COL26A1: variants seen among roughly 807,000 people sequenced by gnomAD.
COL26A1 encodes the protein collagen type XXVI alpha 1 chain.
A neutral mutation model predicts 59.3 loss-of-function variants in COL26A1; 41 were observed. That is an observed-to-expected ratio of 0.69 (90% CI 0.54 to 0.90). The LOEUF is 0.90. COL26A1 is among the 40% of genes least tolerant of loss of function. The pLI, the probability that COL26A1 is intolerant of heterozygous loss-of-function variation, is 0.00. For missense variants in COL26A1, 612 were observed against 602.3 expected (o/e 1.02, Z -0.17); for synonymous variants, 266 against 256.0 (o/e 1.04, Z -0.37).
At chr7:101,475,949 C>CT (rs1489890708) in intron 3 of COL26A1, among the ~76,000 whole-genome samples, 2 of 140,638 alleles carry the variant, frequency 1.4e-5, no homozygotes, top group Non-Finnish European at 3.1e-5. Context: ...TTTCTTCTTT[C>CT]TTTTTTTCTC....
intron 1 of COL26A1, among the ~76,000 whole-genome samples, chr7:101,387,380 A>G (rs1209770739): frequency 6.6e-6 from 1 of 151,658 alleles, no homozygotes; most frequent in Non-Finnish European, 1.5e-5. Context: ...CACTGAAAAA[A>G]AAAAAAGTTT....
At chr7:101,432,085 C>T (rs1040386469) in intron 2 of COL26A1, among the ~76,000 whole-genome samples, 7 of 151,956 alleles carry the variant, frequency 4.6e-5, no homozygotes, top group East Asian at 1.9e-4. Flanking sequence ...CTCAGCTTCC[C>T]GAGTAGCGGG....
rs781201734 is a variant in COL26A1 at position 101,475,902 on chromosome 7, CTT to C, written c.385+28117_385+28118del. 3.4e-3 allele frequency among the ~76,000 whole-genome samples: 462 copies of C among 135,472 alleles called. 4 individuals carry two copies. The highest frequency in any genetic ancestry group is 0.012 in the African/African-American group (400 of 33,400). The allele number at this position is 135,472 out of a possible 152,430, so 88.9% of individuals were successfully genotyped here. ...TCTTTCTCTCTCTTTCTTTCTCTCT[CTT>C]TCTCTCTCTCTCTCTTTCTTTCTCT... On this transcript the variant is annotated intron_variant, in intron 3 of 12. Coordinates refer to ENST00000313669, the MANE Select transcript of COL26A1 (RefSeq NM_001278563.3).
intron 1 of COL26A1, among the ~76,000 whole-genome samples, chr7:101,400,537 T>A (rs1185600042): frequency 6.6e-6 from 1 of 151,742 alleles, no homozygotes; most frequent in Non-Finnish European, 1.5e-5. Flanking sequence ...AATTTTTGTA[T>A]TTTTATTTTA....
At chr7:101,368,894 CTCACT>C (rs759570431) in intron 1 of COL26A1, among the ~76,000 whole-genome samples, 87,312 of 150,886 alleles carry the variant, frequency 0.58, 26,796 homozygotes, top group African/African-American at 0.8. Flanking sequence ...GTAGAAAAAA[CTCACT>C]CAAAATCTGG....
intron 1 of COL26A1, among the ~76,000 whole-genome samples, chr7:101,365,056 C>T (rs868251354): frequency 1.3e-5 from 2 of 152,024 alleles, no homozygotes. Flanking sequence ...CTGAATAGGG[C>T]GGGACCCAGA....
At chr7:101,417,495 ATCT>A (rs1792398961) in intron 1 of COL26A1, among the ~76,000 whole-genome samples, 1 of 124,426 alleles carries the variant, frequency 8.0e-6, no homozygotes, top group South Asian at 2.7e-4. Flanking sequence ...AATGCCTAAT[ATCT>A]TTTTTTTTTT....
intron 3 of COL26A1, among the ~76,000 whole-genome samples, chr7:101,460,539 T>A (rs1010060924): frequency 9.9e-5 from 15 of 151,870 alleles, no homozygotes; most frequent in African/African-American, 3.6e-4. Context: ...TCCCAGCACT[T>A]AGGGAGGTGG....
At chr7:101,542,794 G>T (rs1795643939) in intron 5 of COL26A1, among the ~76,000 whole-genome samples, 1 of 111,486 alleles carries the variant, frequency 9.0e-6, no homozygotes, top group Non-Finnish European at 1.7e-5. Flanking sequence ...TCTCACTCTG[G>T]CCCCCGGCCT....
chr7:101,475,840 CTT>C (rs1315091146), intron 3 of COL26A1, among the ~76,000 whole-genome samples: 4 of 147,256 alleles, frequency 2.7e-5, no homozygotes, highest in Admixed American at 6.9e-5. Flanking sequence ...CTCTCTCTCT[CTT>C]TCTTTCTCTC....
At chr7:101,394,115 G>T (rs1791798115) in intron 1 of COL26A1, among the ~76,000 whole-genome samples, 1 of 151,948 alleles carries the variant, frequency 6.6e-6, no homozygotes, top group African/African-American at 2.4e-5. Flanking sequence ...TGTGTACTAG[G>T]CTTAGAGCTA....
intron 3 of COL26A1, among the ~76,000 whole-genome samples, chr7:101,480,668 T>C (rs904075801): frequency 1.3e-5 from 2 of 152,108 alleles, no homozygotes; most frequent in East Asian, 3.9e-4. Flanking sequence ...GCCCAGCTTT[T>C]TGGGGGGTAT....
chr7:101,441,889 G>C (rs929298931), intron 2 of COL26A1, among the ~76,000 whole-genome samples: 36 of 152,320 alleles, frequency 2.4e-4, no homozygotes, highest in African/African-American at 7.9e-4. Flanking sequence ...TGCACTCACA[G>C]CCTTACACCA....
At chr7:101,451,202 C>T (rs1413794255) in intron 3 of COL26A1, among the ~76,000 whole-genome samples, 1 of 140,950 alleles carries the variant, frequency 7.1e-6, no homozygotes, top group Non-Finnish European at 1.5e-5. Context: ...AATATAATCT[C>T]AATAATATAT....
At chr7:101,464,542 G>C (rs920400807) in intron 3 of COL26A1, among the ~76,000 whole-genome samples, 1 of 151,698 alleles carries the variant, frequency 6.6e-6, no homozygotes, top group East Asian at 1.9e-4. Flanking sequence ...CTCCTGAGTA[G>C]CTGGGATTAC....
At chr7:101,405,980 TGA>T (rs1792119709) in intron 1 of COL26A1, among the ~76,000 whole-genome samples, 1 of 152,154 alleles carries the variant, frequency 6.6e-6, no homozygotes, top group African/African-American at 2.4e-5. Context: ...GGGAGGAAGC[TGA>T]GAGGCTGGTG....
intron 1 of COL26A1, among the ~76,000 whole-genome samples, chr7:101,394,940 C>T (rs1235601196): frequency 8.1e-6 from 1 of 123,042 alleles, no homozygotes; most frequent in Non-Finnish European, 1.6e-5. Context: ...GTGGTGTGAT[C>T]TCGGCTCACT....
rs923965890 is a variant in COL26A1 at position 101,396,538 on chromosome 7, C to T, written c.159-23439C>T. Among the ~76,000 whole-genome samples the T allele has an allele frequency of 2.0e-5, 3 of 152,066 alleles. No homozygotes were observed. The East Asian group carries it at 5.8e-4, about 29-fold the overall frequency. ...AGTGCAGTGGCACAATCTCAGCTCA[C>T]TGCAACCTCTGCCTCCCGGGTTCAA... On this transcript the variant is annotated intron_variant, in intron 1 of 12. Transcript: ENST00000313669.
intron 3 of COL26A1, among the ~76,000 whole-genome samples, chr7:101,482,171 T>G (rs1794170553): frequency 6.6e-6 from 1 of 152,136 alleles, no homozygotes. Flanking sequence ...TATACCTAGC[T>G]AATTTTTGTA....
Sources: allele counts gnomAD v4.1 joint callset (sites outside exome capture counted in the v4.1 genomes callset), GRCh38; gene constraint gnomAD v4.1.1; transcripts MANE v1.5; gene names NCBI Gene and HGNC (gene_info 2026-07-23, HGNC 2026-07-21).